Variants in FAM13A observed in about 807,000 individuals in gnomAD.
FAM13A encodes protein FAM13A.
In FAM13A, 76 loss-of-function variants were observed where a neutral mutation model predicts 129.6. The observed-to-expected ratio is 0.59, with a 90% CI of 0.49 to 0.71. The LOEUF (loss-of-function observed/expected upper bound fraction) is 0.71. Among genes scored for constraint, FAM13A ranks in the 30% least tolerant of loss-of-function variants. The pLI is 0.00. For missense variants in FAM13A, 1,108 were observed against 1,249.3 expected, an observed-to-expected ratio of 0.89 and a Z score of 1.70; for synonymous variants, 443 against 449.9, an observed-to-expected ratio of 0.98 and a Z score of 0.20.
intron 19 of FAM13A, among the ~76,000 whole-genome samples, chr4:88,742,530 A>C (rs1323914981): frequency 3.3e-5 from 5 of 152,186 alleles, no homozygotes; most frequent in Admixed American, 2.6e-4. Context: ...GGTAAGAATA[A>C]CGACCTGATT....
At chr4:88,996,937 A>G (rs1451385098) in intron 3 of FAM13A, among the ~76,000 whole-genome samples, 2 of 152,226 alleles carry the variant, frequency 1.3e-5, no homozygotes, top group South Asian at 2.1e-4. Flanking sequence ...CAGTACATCT[A>G]TATTTCAAAT....
intron 13 of FAM13A, among the ~76,000 whole-genome samples, chr4:88,765,163 C>A (rs1215996050): frequency 6.6e-6 from 1 of 152,090 alleles, no homozygotes; most frequent in Admixed American, 6.6e-5. Context: ...ATTTCTGAGG[C>A]TGAAAACAAA....
intron 4 of FAM13A, among the ~76,000 whole-genome samples, chr4:88,948,501 T>G (rs1374977952): frequency 6.6e-6 from 1 of 151,974 alleles, no homozygotes; most frequent in Non-Finnish European, 1.5e-5. Context: ...ATCTTTTTTT[T>G]TTTTTGAGAC....
At chr4:89,055,484 C>A (rs780321895) in intron 1 of FAM13A, among the ~76,000 whole-genome samples, 1 of 152,126 alleles carries the variant, frequency 6.6e-6, no homozygotes, top group Non-Finnish European at 1.5e-5. Context: ...AAGTTTTATA[C>A]ATGAGTCAGT....
chr4:88,885,177 G>A (rs1485868953), intron 6 of FAM13A, among the ~76,000 whole-genome samples: 4 of 151,532 alleles, frequency 2.6e-5, no homozygotes, highest in African/African-American at 9.7e-5. Flanking sequence ...GGAACCAAAG[G>A]AACCAAAAAA....
At chr4:88,905,210 C>G (rs562487148) in intron 6 of FAM13A, among the ~76,000 whole-genome samples, 1 of 151,964 alleles carries the variant, frequency 6.6e-6, no homozygotes, top group Non-Finnish European at 1.5e-5. Context: ...CAGCTCGCTG[C>G]GACCTCTGCT....
At chr4:88,956,231 T>C (rs140953717) in intron 4 of FAM13A, among the ~76,000 whole-genome samples, 16 of 152,366 alleles carry the variant, frequency 1.1e-4, no homozygotes, top group African/African-American at 3.6e-4. Flanking sequence ...GTGTACCTTT[T>C]TAAAATCTGT....
chr4:88,982,012 C>CAG (rs1228673323), intron 4 of FAM13A, among the ~76,000 whole-genome samples: 2 of 152,134 alleles, frequency 1.3e-5, no homozygotes, highest in East Asian at 3.9e-4. Context: ...AGCTATAAGG[C>CAG]AGAAGCCAAG....
At chr4:88,996,931 A>G (rs150090461) in intron 3 of FAM13A, among the ~76,000 whole-genome samples, 1 of 152,360 alleles carries the variant, frequency 6.6e-6, no homozygotes, top group Non-Finnish European at 1.5e-5. Flanking sequence ...GGAATACAGT[A>G]CATCTATATT....
chr4:89,014,615 T>C (rs1766213890), intron 3 of FAM13A, among the ~76,000 whole-genome samples: 2 of 152,210 alleles, frequency 1.3e-5, no homozygotes, highest in South Asian at 4.1e-4. Context: ...ATTAATACTT[T>C]TATAATTTCT....
At chr4:88,892,743 G>A (rs1405649270) in intron 6 of FAM13A, among the ~76,000 whole-genome samples, 2 of 151,860 alleles carry the variant, frequency 1.3e-5, no homozygotes, top group African/African-American at 4.8e-5. Flanking sequence ...TGTACTGAAA[G>A]CACTACCAAC....
intron 4 of FAM13A, among the ~76,000 whole-genome samples, chr4:88,980,491 A>G (rs1279730169): frequency 3.9e-5 from 6 of 152,262 alleles, no homozygotes; most frequent in Non-Finnish European, 4.4e-5. Flanking sequence ...TAGGTGCTAC[A>G]TAGGGCTAGT....
chr4:89,029,295 G>A (rs1440992343), intron 2 of FAM13A, among the ~76,000 whole-genome samples, 165 bp downstream of exon 2: 1 of 152,140 alleles, frequency 6.6e-6, no homozygotes, highest in Admixed American at 6.5e-5. Context: ...ATGTTAAGCA[G>A]TAATGCCCTT....
chr4:88,862,917 A>G (rs1168420081), intron 6 of FAM13A, among the ~76,000 whole-genome samples: 1 of 151,708 alleles, frequency 6.6e-6, no homozygotes, highest in Admixed American at 6.6e-5. Flanking sequence ...CTGGGACATC[A>G]TGAGGAAAAA....
In FAM13A at chr4:88,750,511, G is replaced by T. The variant is rs1445810823; in HGVS notation, c.1853C>A (p.Pro618His). The T allele has an allele frequency of 5.0e-6, 8 of 1,614,074 alleles. No individual in the cohort carries two copies. Among genetic ancestry groups the T allele is most frequent in the Non-Finnish European group, 6.8e-6 (8 of 1,180,036 alleles). ...LDEDSDPMLS[P>H]RFYAYGQSRQ... ...GCTCTGCCCATAAGCGTAGAACCGA[G>T]GAGAGAGCATGGGGTCGCTGTCTTC... Residue 618 changes from proline (P) to histidine (H), a missense_variant, in exon 15 of 24, where the codon CCT becomes CAT. By Grantham distance (77) the Pro-to-His change is moderately conservative. This residue lies in a region of FAM13A where 529 missense variants were observed against 621.2 expected (regional missense o/e 0.85). Transcript: ENST00000264344.
At chr4:88,922,493 T>C (rs1424069003) in intron 5 of FAM13A, among the ~76,000 whole-genome samples, 1 of 152,042 alleles carries the variant, frequency 6.6e-6, no homozygotes, top group Non-Finnish European at 1.5e-5. Flanking sequence ...AAGATGTTCT[T>C]TGAAACCAAC....
At chr4:88,757,815 T>C (rs1183921726) in intron 14 of FAM13A, among the ~76,000 whole-genome samples, 1 of 152,146 alleles carries the variant, frequency 6.6e-6, no homozygotes, top group Non-Finnish European at 1.5e-5. Context: ...GATAACTTCT[T>C]GGTTAAGAAA....
chr4:88,841,493 C>CAAAAAAA (rs35396785), intron 7 of FAM13A, among the ~76,000 whole-genome samples: 1 of 96,644 alleles, frequency 1.0e-5, no homozygotes, highest in Non-Finnish European at 2.1e-5. Flanking sequence ...GACTCTGTCT[C>CAAAAAAA]AAAAAAAAAA....
intron 2 of FAM13A, among the ~76,000 whole-genome samples, chr4:89,024,325 A>T (rs974911398): frequency 6.6e-6 from 1 of 152,188 alleles, no homozygotes; most frequent in African/African-American, 2.4e-5. Flanking sequence ...TTCATGCCAA[A>T]CTAAGAGAAA....
Sources: allele counts gnomAD v4.1 joint callset (sites outside exome capture counted in the v4.1 genomes callset), GRCh38; gene constraint gnomAD v4.1.1; regional missense constraint gnomAD v4.1.1; transcripts MANE v1.5; gene names NCBI Gene and HGNC (gene_info 2026-07-23, HGNC 2026-07-21).